Variants in SPRED1 observed in about 807,000 individuals in gnomAD.
SPRED1 encodes sprouty related EVH1 domain containing 1, also known as sprouty-related, EVH1 domain-containing protein 1.
SPRED1 carries 18 observed loss-of-function variants against 52.3 expected under a neutral mutation model. The ratio of observed to expected loss-of-function variants is 0.34; its 90% confidence interval spans 0.24 to 0.51. The LOEUF (loss-of-function observed/expected upper bound fraction) is 0.51. SPRED1 is among the 20% of genes least tolerant of loss of function. The pLI, the probability that SPRED1 is intolerant of heterozygous loss-of-function variation, is 0.97. For synonymous variants in SPRED1, 155 were observed against 179.7 expected (o/e 0.86, Z 1.10); for missense variants, 485 against 551.0 (o/e 0.88, Z 1.20).
rs1894808361 is a variant in SPRED1, at chr15:38,286,300, T to C, written c.33-13073T>C. Among the ~76,000 whole-genome samples, 6 of 152,040 alleles carry C rather than the reference T, an allele frequency of 3.9e-5. No homozygotes were observed. In the South Asian group the frequency reaches 1.2e-3, roughly 32 times the overall value. On this transcript the variant is annotated intron_variant, in intron 1 of 6. Transcript: ENST00000299084. ...CTGTACATCATTATCCTATCAATTT[T>C]ATATTATTTTTATTGTGAATTGGCT...
intron 1 of SPRED1, among the ~76,000 whole-genome samples, chr15:38,267,660 T>G (rs1300439283): frequency 1.3e-5 from 2 of 152,332 alleles, no homozygotes; most frequent in East Asian, 3.9e-4. Flanking sequence ...ATGCATTTAG[T>G]CTTTATAATA....
At chr15:38,347,957 C>T (rs1896175971) in intron 5 of SPRED1, among the ~76,000 whole-genome samples, 1 of 151,894 alleles carries the variant, frequency 6.6e-6, no homozygotes, top group South Asian at 2.1e-4. Context: ...TGTCTTTTCA[C>T]TTAGAGATTG....
intron 1 of SPRED1, among the ~76,000 whole-genome samples, chr15:38,260,647 C>CA (rs1222047317): frequency 3.9e-5 from 6 of 152,160 alleles, no homozygotes; most frequent in Non-Finnish European, 7.3e-5. Context: ...TAAAGAACCG[C>CA]ATTATTACCA....
intron 4 of SPRED1, chr15:38,326,472 T>C (rs1274780461): frequency 1.3e-5 from 2 of 152,226 alleles, no homozygotes; most frequent in Admixed American, 6.5e-5. Flanking sequence ...TCCAGGGCCT[T>C]CTTAGAAAAG....
intron 1 of SPRED1, among the ~76,000 whole-genome samples, chr15:38,284,187 G>T (rs908028439): frequency 6.6e-6 from 1 of 152,064 alleles, no homozygotes; most frequent in Non-Finnish European, 1.5e-5. Flanking sequence ...GTATCAGCCT[G>T]TGAAAATACA....
At chr15:38,298,940 G>A (rs1211454340) in intron 1 of SPRED1, among the ~76,000 whole-genome samples, 1 of 152,116 alleles carries the variant, frequency 6.6e-6, no homozygotes, top group Non-Finnish European at 1.5e-5. Flanking sequence ...AACTGTTAGG[G>A]ACTTCTAGAT....
At chr15:38,291,911 T>G (rs4329880) in intron 1 of SPRED1, among the ~76,000 whole-genome samples, 125,644 of 152,150 alleles carry the variant, frequency 0.83, 52,632 homozygotes, top group Non-Finnish European at 0.9. Context: ...TAGGCTCCTT[T>G]CTACTTAAGC....
At chr15:38,268,937 TTTC>T (rs1285989371) in intron 1 of SPRED1, among the ~76,000 whole-genome samples, 6 of 128,342 alleles carry the variant, frequency 4.7e-5, no homozygotes, top group Non-Finnish European at 9.9e-5. Context: ...TACTAACTTT[TTTC>T]TTTTTTTTTT....
At chr15:38,312,122 G>A (rs983602332) in intron 2 of SPRED1, among the ~76,000 whole-genome samples, 18 of 151,872 alleles carry the variant, frequency 1.2e-4, no homozygotes, top group Non-Finnish European at 2.4e-4. Flanking sequence ...ACTTTCAAAG[G>A]TTGAATATCT....
At chr15:38,312,307 G>GA (rs1228706269) in intron 2 of SPRED1, among the ~76,000 whole-genome samples, 2 of 152,244 alleles carry the variant, frequency 1.3e-5, no homozygotes, top group Middle Eastern at 3.4e-3. Flanking sequence ...TCCAGTGAGA[G>GA]AAAAGAGAAT....
In SPRED1 at chr15:38,322,382, C is replaced by T. The variant is rs121434312; in HGVS notation, c.349C>T (p.Arg117Ter). The change falls in exon 3 of 7, where the codon CGA becomes TGA. Residue 117 changes from arginine (R) to a stop codon, truncating the protein, a stop_gained. Transcript: ENST00000299084. LOFTEE classifies it high-confidence loss of function. ...ADARAFDRGI[R>*]RAIEDISQGC... is the part of the protein sequence containing the mutation. ...TGCTAGGGCTTTTGATAGAGGTATC[C>T]GAAGAGCTATAGAGGATATTTCTCA... 1.9e-6 allele frequency: 3 copies of T among 1,613,622 alleles called. No homozygotes were observed. The highest frequency in any genetic ancestry group is 2.5e-6 in the Non-Finnish European group (3 of 1,179,812).
chr15:38,285,041 G>A (rs1894775197), intron 1 of SPRED1, among the ~76,000 whole-genome samples: 1 of 151,876 alleles, frequency 6.6e-6, no homozygotes, highest in Admixed American at 6.6e-5. Context: ...TTAAATACTA[G>A]ATCTATTTTT....
intron 2 of SPRED1, among the ~76,000 whole-genome samples, chr15:38,302,945 C>A (rs549471477): frequency 3.2e-4 from 48 of 152,208 alleles, no homozygotes; most frequent in Admixed American, 5.2e-4. Flanking sequence ...AGGCGGATCA[C>A]AAGGTCAGGA....
intron 1 of SPRED1, chr15:38,268,254 T>A (rs1894353995): frequency 6.6e-6 from 1 of 152,210 alleles, no homozygotes; most frequent in South Asian, 2.1e-4. Context: ...ATCCTATGCC[T>A]TTTAGTATTA....
intron 4 of SPRED1, among the ~76,000 whole-genome samples, chr15:38,331,649 GTATTA>G (rs1011054337): frequency 4.2e-4 from 64 of 152,006 alleles, no homozygotes; most frequent in African/African-American, 1.4e-3. Context: ...TAGGTATATT[GTATTA>G]TATTATATTA....
At chr15:38,286,499 T>C (rs1894813928) in intron 1 of SPRED1, among the ~76,000 whole-genome samples, 1 of 151,326 alleles carries the variant, frequency 6.6e-6, no homozygotes, top group South Asian at 2.1e-4. Context: ...AATGAAGATT[T>C]ATATTTATCT....
chr15:38,275,866 A>T (rs1293044772), intron 1 of SPRED1, among the ~76,000 whole-genome samples: 1 of 152,134 alleles, frequency 6.6e-6, no homozygotes, highest in African/African-American at 2.4e-5. Context: ...TATTCACAAT[A>T]CCCAGGTAAG....
intron 2 of SPRED1, among the ~76,000 whole-genome samples, 182 bp downstream of exon 2, chr15:38,299,729 A>G (rs559242271): frequency 6.6e-6 from 1 of 152,154 alleles, no homozygotes; most frequent in East Asian, 1.9e-4. Context: ...TGACATTGAT[A>G]CACATTTGTT....
chr15:38,284,563 G>T (rs982174700), intron 1 of SPRED1, among the ~76,000 whole-genome samples: 8 of 152,080 alleles, frequency 5.3e-5, no homozygotes, highest in Non-Finnish European at 1.0e-4. Flanking sequence ...GCAGTCTTCT[G>T]TTATAATTTC....
Sources: allele counts gnomAD v4.1 joint callset (sites outside exome capture counted in the v4.1 genomes callset), GRCh38; gene constraint gnomAD v4.1.1; transcripts MANE v1.5; gene names NCBI Gene and HGNC (gene_info 2026-07-23, HGNC 2026-07-21).